ARHGAP39: variants seen among roughly 807,000 people sequenced by gnomAD.
The protein encoded by ARHGAP39 is Rho GTPase activating protein 39.
In ARHGAP39, 44 loss-of-function variants were observed where a neutral mutation model predicts 106.9. The observed-to-expected ratio is 0.41, with a 90% CI of 0.32 to 0.53. The LOEUF is 0.53. ARHGAP39 is among the 20% of genes least tolerant of loss of function. The pLI is 0.21. For synonymous variants in ARHGAP39, 768 were observed against 693.2 expected (o/e 1.11, Z -1.69); for missense variants, 1,496 against 1,577.3 (o/e 0.95, Z 0.87).
intron 2 of ARHGAP39, among the ~76,000 whole-genome samples, chr8:144,596,288 G>A (rs1343015911): frequency 1.3e-5 from 2 of 148,496 alleles, no homozygotes; most frequent in African/African-American, 5.0e-5. Context: ...CGCCACCCCG[G>A]CACTCTCCAC....
chr8:144,531,041 T>G (rs1253605621), intron 10 of ARHGAP39, among the ~76,000 whole-genome samples, 170 bp from the exon 11 acceptor site: 1 of 152,208 alleles, frequency 6.6e-6, no homozygotes, highest in African/African-American at 2.4e-5. Context: ...CCAGAGGGCC[T>G]TTCGGCTCCT....
rs868436060 is a variant in ARHGAP39, at chr8:144,581,179, C to T, written c.179G>A (p.Arg60His). 2.6e-6 allele frequency: 4 copies of T among 1,565,088 alleles called. No individual in the cohort carries two copies. The highest frequency in any genetic ancestry group is 3.5e-6 in the Non-Finnish European group (4 of 1,155,474). ...ECVWDPPAGV[R>H]IKRTSENQWW... ...CTGGTTCTCGCTGGTGCGCTTGATG[C>T]GGACGCCGGCCGGCGGGTCCCACAC... The change falls in exon 3 of 12, where the codon CGC becomes CAC. Residue 60 changes from arginine to histidine, a missense_variant. Transcript: ENST00000377307.
chr8:144,541,421 AACAG>A (rs748363554), intron 6 of ARHGAP39, among the ~76,000 whole-genome samples: 6 of 152,248 alleles, frequency 3.9e-5, no homozygotes, highest in Non-Finnish European at 8.8e-5. Context: ...ACCATTTAAA[AACAG>A]ACAGTTCTGT....
chr8:144,658,047 G>C (rs1190854210), intron 1 of ARHGAP39, among the ~76,000 whole-genome samples: 2 of 152,098 alleles, frequency 1.3e-5, no homozygotes, highest in African/African-American at 4.8e-5. Context: ...AATTAATCTA[G>C]GGATGATTTA....
In ARHGAP39 at chr8:144,547,809, G is replaced by C; in HGVS notation, c.1277C>G (p.Ser426Trp). Residue 426 changes from serine (S) to tryptophan (W), a missense_variant, in exon 5 of 12, where the codon TCG (serine) becomes TGG (tryptophan). By Grantham distance (177) the Ser-to-Trp change is radical. Around this residue, in one of 4 missense-constraint regions of ARHGAP39, gnomAD observed 905 missense variants for 816.4 expected, o/e 1.11. Coordinates refer to ENST00000377307, the MANE Select transcript of ARHGAP39 (RefSeq NM_025251.3). The surrounding 1 kb of genome is among the most constrained non-coding windows in gnomAD (Gnocchi z 5.2). ...GCAGGGGCTGGGCTGCAAGGAGTACGAACCACCGCCGGGGTTGGGCGCGTA... is the reference window on the plus strand; with the variant it reads ...GCAGGGGCTGGGCTGCAAGGAGTACCAACCACCGCCGGGGTTGGGCGCGTA... Reference protein sequence around the residue: ...HKYAPNPGGGSYSLQPSPCLL... With the variant: ...HKYAPNPGGGWYSLQPSPCLL... 1.9e-6 allele frequency: 3 copies of C among 1,592,758 alleles called. No homozygotes were observed. Among genetic ancestry groups the C allele is most frequent in the Non-Finnish European group, 2.6e-6 (3 of 1,173,146 alleles).
intron 2 of ARHGAP39, among the ~76,000 whole-genome samples, chr8:144,598,929 A>G (rs1819734752): frequency 2.0e-5 from 3 of 152,264 alleles, no homozygotes; most frequent in Non-Finnish European, 4.4e-5. Context: ...AAAAAATACT[A>G]TAGAAAAAGA....
At chr8:144,627,760 AAAAACAAAAC>A (rs1012634925) in intron 1 of ARHGAP39, among the ~76,000 whole-genome samples, 1 of 152,116 alleles carries the variant, frequency 6.6e-6, no homozygotes, top group Non-Finnish European at 1.5e-5. Context: ...CCTGTCTCAA[AAAAACAAAAC>A]AAAACAAAAC....
chr8:144,543,891 A>G (rs1384975386), intron 6 of ARHGAP39: 3 of 152,178 alleles, frequency 2.0e-5, no homozygotes, highest in Non-Finnish European at 4.4e-5. Flanking sequence ...GGGGGTACCC[A>G]CTGTGGGCTG....
At position 144,591,915 on chromosome 8, in the gene ARHGAP39, G is replaced by A. The variant is rs930719943; in HGVS notation, c.81-10638C>T. On this transcript the variant is annotated intron_variant, in intron 2 of 11. Coordinates refer to ENST00000377307, the MANE Select transcript of ARHGAP39 (RefSeq NM_025251.3). The surrounding 1 kb of genome is among the most constrained non-coding windows in gnomAD (Gnocchi z 5.3). ...GTGCTGCCTGTGGGGAGTGGTGCCT[G>A]TGGGGAGTGGTGCCTGCAGGGAGTG... is the stretch of plus-strand genomic sequence containing the variant. Among the ~76,000 whole-genome samples the A allele has an allele frequency of 1.3e-5, 2 of 152,106 alleles. No individual in the cohort carries two copies. The highest frequency in any genetic ancestry group is 4.8e-5 in the African/African-American group (2 of 41,408).
chr8:144,678,483 G>T (rs1246029934), intron 1 of ARHGAP39, among the ~76,000 whole-genome samples: 1 of 152,172 alleles, frequency 6.6e-6, no homozygotes, highest in African/African-American at 2.4e-5. Context: ...GAACCAGTGA[G>T]CTTGGCTTAG....
rs529542732 is a variant in ARHGAP39, at chr8:144,530,813, G to A, written c.3039C>T (p.Phe1013=). The A allele has an allele frequency of 5.0e-6, 8 of 1,611,956 alleles. No individual in the cohort carries two copies. In the Admixed American group the frequency reaches 1.0e-4, roughly 20 times the overall value. Residue 1013 remains phenylalanine, a synonymous_variant, in exon 11 of 12, where the codon TTC becomes TTT. Coordinates refer to ENST00000377307, the MANE Select transcript of ARHGAP39 (RefSeq NM_025251.3). ...CGTAGTGCGCGATGCACTGCTCGTA[G>A]AACTCGTGCGGGATCAGGGGCTCCT... is the stretch of plus-strand genomic sequence containing the variant. ...ELEEPLIPHE[F]YEQCIAHYDS...
intron 1 of ARHGAP39, among the ~76,000 whole-genome samples, chr8:144,665,305 A>C (rs187643010): frequency 6.6e-6 from 1 of 152,364 alleles, no homozygotes; most frequent in East Asian, 1.9e-4. Flanking sequence ...GAAACAGAGC[A>C]TAGAAGTTCA....
At position 144,530,887 on chromosome 8, in the gene ARHGAP39, G is replaced by C. The variant is rs771183983; in HGVS notation, c.2981-16C>G. The C allele has an allele frequency of 3.8e-6, 6 of 1,598,320 alleles. No homozygotes were observed. Among genetic ancestry groups the C allele is most frequent in the Non-Finnish European group, 5.1e-6 (6 of 1,173,292 alleles). On this transcript the variant is annotated splice_polypyrimidine_tract_variant and intron_variant, in intron 10 of 11. Coordinates refer to ENST00000377307, the MANE Select transcript of ARHGAP39 (RefSeq NM_025251.3). ...AGCAGGGACGCTGGGGACACAGCAC[G>C]GGGCTCAGCGGCCCTGCTCGGCGGG...
intron 1 of ARHGAP39, among the ~76,000 whole-genome samples, chr8:144,605,974 G>T (rs1820276253): frequency 6.6e-6 from 1 of 152,234 alleles, no homozygotes; most frequent in South Asian, 2.1e-4. Flanking sequence ...ACTCCACGAT[G>T]GGCCGGGGCA....
chr8:144,530,804 C>G lies in ARHGAP39; in HGVS notation c.3048G>C (p.Gln1016His). Residue 1016 changes from glutamine (Q) to histidine (H), a missense_variant, in exon 11 of 12, where the codon CAG becomes CAC. Physicochemically the swap from Gln to His is conservative, Grantham distance 24. This residue lies in a region of ARHGAP39 where 470 missense variants were observed against 605.1 expected (regional missense o/e 0.78). Transcript: ENST00000377307. ...CGGGGCTGTCGTAGTGCGCGATGCA[C>G]TGCTCGTAGAACTCGTGCGGGATCA... ...EPLIPHEFYE[Q>H]CIAHYDSPEA... The G allele has an allele frequency of 1.2e-6, 2 of 1,612,092 alleles. No homozygotes were observed. Among genetic ancestry groups the G allele is most frequent in the Non-Finnish European group, 1.7e-6 (2 of 1,179,770 alleles).
intron 2 of ARHGAP39, among the ~76,000 whole-genome samples, chr8:144,590,474 C>G (rs1459978118): frequency 1.3e-5 from 2 of 152,138 alleles, no homozygotes; most frequent in Non-Finnish European, 1.5e-5. Context: ...TCCCCTGCCC[C>G]GTGCTCCTGC....
rs1491466270 is a variant in ARHGAP39 at position 144,627,570 on chromosome 8, AAG to A, written c.-81-21877_-81-21876del. ...ACTCCATCTCAAAAAAAAAAAAAAA[AAG>A]AAAGGAAGGAGGTTCACAATGATCT... On this transcript the variant is annotated intron_variant, in intron 1 of 11. Coordinates refer to ENST00000377307, the MANE Select transcript of ARHGAP39 (RefSeq NM_025251.3). 1.4e-4 allele frequency among the ~76,000 whole-genome samples: 21 copies of A among 150,288 alleles called. 1 individual carries two copies. Among genetic ancestry groups the A allele is most frequent in the African/African-American group, 3.2e-4 (13 of 40,906 alleles).
intron 1 of ARHGAP39, among the ~76,000 whole-genome samples, chr8:144,664,928 G>C (rs568647052): frequency 1.8e-4 from 27 of 152,328 alleles, no homozygotes; most frequent in African/African-American, 6.3e-4. Context: ...AACGACTTTG[G>C]AAATGGGTAA....
At chr8:144,694,657 G>C in the ARHGAP39 span, among the ~76,000 whole-genome samples, 2 of 152,166 alleles carry the variant, frequency 1.3e-5, no homozygotes, top group Non-Finnish European at 2.9e-5. Flanking sequence ...GCTCTTTAAC[G>C]ATCTTCATGC....
Sources: gnomAD v4.1 joint callset for allele counts (sites outside exome capture counted in the v4.1 genomes callset) on GRCh38, gnomAD v4.1.1 for gene constraint, gnomAD v4.1.1 regional missense constraint, Gnocchi (gnomAD v3.1) non-coding constraint, MANE v1.5 for transcripts, NCBI Gene and HGNC (gene_info 2026-07-23, HGNC 2026-07-21) for gene names.